DUSP7: variants seen among roughly 807,000 people sequenced by gnomAD.
DUSP7 encodes dual specificity protein phosphatase 7.
A neutral mutation model predicts 29.8 loss-of-function variants in DUSP7; 7 were observed. The ratio of observed to expected loss-of-function variants is 0.24; its 90% CI spans 0.13 to 0.44. DUSP7 has a LOEUF of 0.44. Among genes scored for constraint, DUSP7 ranks in the 20% least tolerant of loss-of-function variants. DUSP7 has a pLI of 1.00. For missense variants in DUSP7, 400 were observed against 583.7 expected, an observed-to-expected ratio of 0.69 and a Z score of 3.24; for synonymous variants, 287 against 275.4, an observed-to-expected ratio of 1.04 and a Z score of -0.42.
In DUSP7 at chr3:52,050,901, C is replaced by A; in HGVS notation, c.1174G>T (p.Asp392Tyr). ...AGCTGCTCACTCGACGCGTGGTTGT[C>A]GCACGGGCTGCTTAGCCCCAGCGTC... ...ERTLGLSSPC[D>Y]NHASSEQLYF... The change falls in exon 3 of 3, where the codon GAC becomes TAC. Residue 392 changes from aspartate to tyrosine, a missense_variant. Asp to Tyr is a radical substitution (Grantham distance 160). Coordinates refer to ENST00000495880, the MANE Select transcript of DUSP7 (RefSeq NM_001947.4). This position sits in a 1 kb window ranked among gnomAD's most constrained non-coding sequence, Gnocchi z 5.0. 1 of 1,614,256 alleles carries A rather than the reference C, an allele frequency of 6.2e-7. No individual in the cohort carries two copies. Among genetic ancestry groups the A allele is most frequent in the Non-Finnish European group, 8.5e-7 (1 of 1,180,048 alleles).
Position 52,053,836 on chromosome 3 carries a change from G to A in DUSP7, c.952+104C>T, listed in dbSNP as rs1248015669. 5.4e-6 allele frequency: 7 copies of A among 1,297,432 alleles called. No homozygotes were observed. Among genetic ancestry groups the A allele is most frequent in the African/African-American group, 1.5e-5 (1 of 68,290 alleles). The allele number at this position is 1,297,432 out of a possible 1,614,324, so 80.4% of individuals were successfully genotyped here. ...CGCTGGCACACGTAGGGCACACACA[G>A]GTCTCAACAGGCCCAGAGGTACCCA... On this transcript the variant is annotated intron_variant, in intron 2 of 2. Transcript: ENST00000495880. The surrounding 1 kb of genome is among the most constrained non-coding windows in gnomAD (Gnocchi z 4.6).
chr3:52,055,007 C>T (rs1404226450), intron 1 of DUSP7, among the ~76,000 whole-genome samples: 2 of 152,128 alleles, frequency 1.3e-5, no homozygotes, highest in African/African-American at 2.4e-5. Context: ...TCTCTAGAAC[C>T]CTCCCTTAGA....
In DUSP7 at chr3:52,050,534, C is replaced by T. The variant is rs955945659; in HGVS notation, c.*281G>A. 3.5e-5 allele frequency: 12 copies of T among 346,402 alleles called. No individual in the cohort carries two copies. The highest frequency in any genetic ancestry group is 4.7e-5 in the Non-Finnish European group (9 of 190,976). The allele number at this position is 346,402 out of a possible 1,614,324, so 21.5% of individuals were successfully genotyped here. ...ACAGCCAAACTGGCTGGGCTGTCAGCAGAAAGGAGCGTCCTGGACAGGATG... is the reference window on the plus strand; with the variant it reads ...ACAGCCAAACTGGCTGGGCTGTCAGTAGAAAGGAGCGTCCTGGACAGGATG... On this transcript the variant is annotated 3_prime_UTR_variant, in exon 3 of 3. Coordinates refer to ENST00000495880, the MANE Select transcript of DUSP7 (RefSeq NM_001947.4). The surrounding 1 kb of genome is among the most constrained non-coding windows in gnomAD (Gnocchi z 5.0).
At position 52,054,330 on chromosome 3, in the gene DUSP7, T is replaced by C. The variant is rs778346564; in HGVS notation, c.562A>G (p.Thr188Ala). Reference protein sequence around the residue: ...FQTEYSEHCETNVDSSSSPSS... With the variant: ...FQTEYSEHCEANVDSSSSPSS... The stretch of plus-strand genomic sequence containing the variant: ...GGCGAGGAAGAGCTGTCCACGTTGG[T>C]CTCGCAGTGCTCAGAGTACTCTGTT... Residue 188 changes from threonine to alanine, a missense_variant, in exon 2 of 3, where the codon ACC becomes GCC. Physicochemically the swap from Thr to Ala is moderately conservative, Grantham distance 58. Transcript: ENST00000495880. This position sits in a 1 kb window ranked among gnomAD's most constrained non-coding sequence, Gnocchi z 4.1. 9.0e-6 allele frequency: 14 copies of C among 1,564,156 alleles called. No homozygotes were observed. In the East Asian group the frequency reaches 2.9e-4, roughly 33 times the overall value.
chr3:52,049,723 G>C lies in DUSP7; in HGVS notation c.*1092C>G, dbSNP rs1009688828. On this transcript the variant is annotated 3_prime_UTR_variant, in exon 3 of 3. Coordinates refer to ENST00000495880, the MANE Select transcript of DUSP7 (RefSeq NM_001947.4). ...AGAGAGGAAAGGAAGAGAGAGGGAG[G>C]GGGGGAGAGAGAAAGAAAGAGAGAG... is the stretch of plus-strand genomic sequence containing the variant. 3.3e-5 allele frequency: 5 copies of C among 151,848 alleles called. No individual in the cohort carries two copies. The South Asian group carries it at 6.2e-4, about 19-fold the overall frequency. The allele number at this position is 151,848 out of a possible 1,614,324, so 9.4% of individuals were successfully genotyped here.
chr3:52,053,905 C>T lies in DUSP7; in HGVS notation c.952+35G>A, dbSNP rs1458342735. 2.7e-5 allele frequency: 43 copies of T among 1,612,646 alleles called. No homozygotes were observed. Among genetic ancestry groups the T allele is most frequent in the Non-Finnish European group, 3.5e-5 (41 of 1,178,804 alleles). On this transcript the variant is annotated intron_variant, in intron 2 of 2. Transcript: ENST00000495880. The surrounding 1 kb of genome is among the most constrained non-coding windows in gnomAD (Gnocchi z 4.6). ...CCAGAGTCCTGCATACACCTTGATG[C>T]ACCCACACCCCCCTGCCCAGCACAC...
chr3:52,050,786 C>T lies in DUSP7; in HGVS notation c.*29G>A. 1.9e-6 allele frequency: 3 copies of T among 1,594,928 alleles called. No individual in the cohort carries two copies. The highest frequency in any genetic ancestry group is 2.6e-6 in the Non-Finnish European group (3 of 1,167,418). On this transcript the variant is annotated 3_prime_UTR_variant, in exon 3 of 3. Transcript: ENST00000495880. This position sits in a 1 kb window ranked among gnomAD's most constrained non-coding sequence, Gnocchi z 5.0. ...GCCCTGTGGAGAGCCGAGCAGGGGC[C>T]TGGTGCCATGCCCCCCGTGCACCAG...
chr3:52,050,672 T>C lies in DUSP7; in HGVS notation c.*143A>G. ...TGCCCCCAAGGATGGTGAGGGGCGC[T>C]CCGACACCGATCAGCCTGGGCCTCT... On this transcript the variant is annotated 3_prime_UTR_variant, in exon 3 of 3. Transcript: ENST00000495880. This position sits in a 1 kb window ranked among gnomAD's most constrained non-coding sequence, Gnocchi z 5.0. 1.0e-6 allele frequency: 1 copy of C among 995,194 alleles called. No homozygotes were observed. The highest frequency in any genetic ancestry group is 1.4e-6 in the Non-Finnish European group (1 of 694,400). The allele number at this position is 995,194 out of a possible 1,614,324, so 61.6% of individuals were successfully genotyped here.
chr3:52,052,600 T>A (rs528211136), intron 2 of DUSP7: 1 of 152,450 alleles, frequency 6.6e-6, no homozygotes, highest in African/African-American at 2.4e-5. Context: ...CCAAAGACAG[T>A]CTGTTTCTGC....
In DUSP7 at chr3:52,050,674, C is replaced by T. The variant is rs1213597890; in HGVS notation, c.*141G>A. ...CCCCCAAGGATGGTGAGGGGCGCTC[C>T]GACACCGATCAGCCTGGGCCTCTGG... On this transcript the variant is annotated 3_prime_UTR_variant, in exon 3 of 3. Coordinates refer to ENST00000495880, the MANE Select transcript of DUSP7 (RefSeq NM_001947.4). The surrounding 1 kb of genome is among the most constrained non-coding windows in gnomAD (Gnocchi z 5.0). The T allele has an allele frequency of 5.9e-6, 6 of 1,018,326 alleles. No individual in the cohort carries two copies. Among genetic ancestry groups the T allele is most frequent in the Admixed American group, 2.9e-5 (1 of 34,316 alleles). The allele number at this position is 1,018,326 out of a possible 1,614,324, so 63.1% of individuals were successfully genotyped here. A position where few individuals can be genotyped will look rare whatever the true frequency, so the allele number is the denominator to read the frequency against.
In DUSP7 at chr3:52,053,696, A is replaced by G. The variant is rs1398475534; in HGVS notation, c.952+244T>C. On this transcript the variant is annotated intron_variant, in intron 2 of 2. Transcript: ENST00000495880. This position sits in a 1 kb window ranked among gnomAD's most constrained non-coding sequence, Gnocchi z 4.6. ...CAAGCTGGACAGCAGAGAGCCCATGACGTGCTGTCAGCTAGGGGGAGCTCA... is the reference window on the plus strand; with the variant it reads ...CAAGCTGGACAGCAGAGAGCCCATGGCGTGCTGTCAGCTAGGGGGAGCTCA... 1 of 561,652 alleles carries G rather than the reference A, an allele frequency of 1.8e-6. No homozygotes were observed. Among genetic ancestry groups the G allele is most frequent in the Non-Finnish European group, 3.2e-6 (1 of 312,698 alleles). 34.8% of individuals were successfully genotyped at this position (561,652 alleles called of 1,614,324 possible).
rs1701831065 is a variant in DUSP7, at chr3:52,050,105, C to G, written c.*710G>C. ...GGGCCAAGGGTGGGAGGCGGCACGA[C>G]TGGGGGTCCCAATACCTGAAGAGCA... is the stretch of plus-strand genomic sequence containing the variant. On this transcript the variant is annotated 3_prime_UTR_variant, in exon 3 of 3. Coordinates refer to ENST00000495880, the MANE Select transcript of DUSP7 (RefSeq NM_001947.4). The surrounding 1 kb of genome is among the most constrained non-coding windows in gnomAD (Gnocchi z 5.0). 1 of 152,228 alleles carries G rather than the reference C, an allele frequency of 6.6e-6. No individual in the cohort carries two copies. Among genetic ancestry groups the G allele is most frequent in the Admixed American group, 6.5e-5 (1 of 15,284 alleles). 9.4% of individuals were successfully genotyped at this position (152,228 alleles called of 1,614,324 possible). A position where few individuals can be genotyped will look rare whatever the true frequency, so the allele number is the denominator to read the frequency against.
Position 52,050,653 on chromosome 3 carries a change from C to T in DUSP7, c.*162G>A, listed in dbSNP as rs1577765850. Reference sequence around the variant, plus strand: ...AGACCTTGCCTGCGGGCCCTGCCCCCAAGGATGGTGAGGGGCGCTCCGACA... The same window carrying T: ...AGACCTTGCCTGCGGGCCCTGCCCCTAAGGATGGTGAGGGGCGCTCCGACA... On this transcript the variant is annotated 3_prime_UTR_variant, in exon 3 of 3. Coordinates refer to ENST00000495880, the MANE Select transcript of DUSP7 (RefSeq NM_001947.4). This position sits in a 1 kb window ranked among gnomAD's most constrained non-coding sequence, Gnocchi z 5.0. The T allele has an allele frequency of 1.2e-6, 1 of 855,152 alleles. No homozygotes were observed. Among genetic ancestry groups the T allele is most frequent in the East Asian group, 2.7e-5 (1 of 36,966 alleles). The allele number at this position is 855,152 out of a possible 1,614,324, so 53.0% of individuals were successfully genotyped here. A position where few individuals can be genotyped will look rare whatever the true frequency, so the allele number is the denominator to read the frequency against.
Position 52,051,102 on chromosome 3 carries a change from A to G in DUSP7, c.973T>C (p.Cys325Arg). The part of the protein sequence containing the change: ...SFIDEARSKK[C>R]GVLVHCLAGI... ...GCCAGGCAGTGCACCAGGACACCACACTTCTTGGAGCGGGCTTCGTCTGAA... is the reference window on the plus strand; with the variant it reads ...GCCAGGCAGTGCACCAGGACACCACGCTTCTTGGAGCGGGCTTCGTCTGAA... Residue 325 changes from cysteine to arginine, a missense_variant, in exon 3 of 3, where the codon TGT (cysteine) becomes CGT (arginine). Cys to Arg is a radical substitution (Grantham distance 180). Transcript: ENST00000495880. The surrounding 1 kb of genome is among the most constrained non-coding windows in gnomAD (Gnocchi z 4.8). 2 of 1,610,258 alleles carry G rather than the reference A, an allele frequency of 1.2e-6. No homozygotes were observed. The highest frequency in any genetic ancestry group is 3.3e-5 in the Admixed American group (2 of 59,984).
At position 52,056,543 on chromosome 3, in the gene DUSP7, G is replaced by T. The variant is rs1051463192; in HGVS notation, c.-177C>A. On this transcript the variant is annotated 5_prime_UTR_variant, in exon 1 of 3. Coordinates refer to ENST00000495880, the MANE Select transcript of DUSP7 (RefSeq NM_001947.4). This position sits in a 1 kb window ranked among gnomAD's most constrained non-coding sequence, Gnocchi z 6.4. ...CGCCCGCCCGCCCGGCCCTCCGCGC[G>T]CACCGCGGCCTGACAGCCCCAATTA... 6.2e-5 allele frequency: 11 copies of T among 176,982 alleles called. No homozygotes were observed. The highest frequency in any genetic ancestry group is 9.7e-5 in the Non-Finnish European group (9 of 92,992). The allele number at this position is 176,982 out of a possible 1,614,324, so 11.0% of individuals were successfully genotyped here.
chr3:52,055,929 C>A lies in DUSP7; in HGVS notation c.438G>T (p.Glu146Asp), dbSNP rs1393176253. The change falls in exon 1 of 3, where the codon GAG becomes GAT. Residue 146 changes from glutamate (E) to aspartate (D), a missense_variant. Transcript: ENST00000495880. ...YDEATAEWQP[E>D]PGAPASVLGL... ...CGAGCACGGAGGCGGGAGCGCCGGG[C>A]TCGGGCTGCCACTCGGCCGTGGCCT... The A allele has an allele frequency of 1.3e-6, 2 of 1,541,482 alleles. No individual in the cohort carries two copies.
chr3:52,051,177 A>T lies in DUSP7; in HGVS notation c.953-55T>A. The stretch of plus-strand genomic sequence containing the variant: ...TGCCTCCTTCAAGGAGCCTTCCCAC[A>T]TGGGTGGGCAGGTGGGGCTGGGGCA... On this transcript the variant is annotated intron_variant, in intron 2 of 2. Transcript: ENST00000495880. This position sits in a 1 kb window ranked among gnomAD's most constrained non-coding sequence, Gnocchi z 4.8. 1.3e-6 allele frequency: 2 copies of T among 1,539,888 alleles called. No individual in the cohort carries two copies. Among genetic ancestry groups the T allele is most frequent in the South Asian group, 1.2e-5 (1 of 83,058 alleles).
In DUSP7 at chr3:52,050,716, G is replaced by A. The variant is rs2106890515; in HGVS notation, c.*99C>T. The A allele has an allele frequency of 2.2e-6, 3 of 1,336,168 alleles. No homozygotes were observed. The highest frequency in any genetic ancestry group is 3.0e-6 in the Non-Finnish European group (3 of 984,132). 82.8% of individuals were successfully genotyped at this position (1,336,168 alleles called of 1,614,324 possible). On this transcript the variant is annotated 3_prime_UTR_variant, in exon 3 of 3. Transcript: ENST00000495880. The surrounding 1 kb of genome is among the most constrained non-coding windows in gnomAD (Gnocchi z 5.0). ...GGCCTCTGGGCACAGGTGACATCTG[G>A]GGGTTCCTCAGGCCAGAGGTGGCGG...
rs1698668819 is a variant in DUSP7, at chr3:52,053,717, G to A, written c.952+223C>T. On this transcript the variant is annotated intron_variant, in intron 2 of 2. Coordinates refer to ENST00000495880, the MANE Select transcript of DUSP7 (RefSeq NM_001947.4). This position sits in a 1 kb window ranked among gnomAD's most constrained non-coding sequence, Gnocchi z 4.6. ...CATGACGTGCTGTCAGCTAGGGGGAGCTCAGGACTCAGGAGACTGCTCAGG... is the reference window on the plus strand; with the variant it reads ...CATGACGTGCTGTCAGCTAGGGGGAACTCAGGACTCAGGAGACTGCTCAGG... 1 of 581,768 alleles carries A rather than the reference G, an allele frequency of 1.7e-6. No homozygotes were observed. The highest frequency in any genetic ancestry group is 3.1e-6 in the Non-Finnish European group (1 of 325,904). The allele number at this position is 581,768 out of a possible 1,614,324, so 36.0% of individuals were successfully genotyped here.
Sources: allele counts gnomAD v4.1 joint callset (sites outside exome capture counted in the v4.1 genomes callset), GRCh38; gene constraint gnomAD v4.1.1; non-coding constraint Gnocchi (gnomAD v3.1); transcripts MANE v1.5; gene names NCBI Gene and HGNC (gene_info 2026-07-23, HGNC 2026-07-21).